Variants in NRK observed in about 807,000 individuals in gnomAD.
NRK encodes the protein nik-related protein kinase.
In NRK, 67 loss-of-function variants were observed where a neutral mutation model predicts 125.2. The observed-to-expected ratio is 0.54, with a 90% CI of 0.44 to 0.66. The LOEUF is 0.66. Ranked by LOEUF, NRK falls within the 30% of genes least tolerant of loss-of-function variation. NRK has a pLI of 0.00. For missense variants in NRK, 1,224 were observed against 1,192.9 expected (o/e 1.03, Z -0.38); for synonymous variants, 458 against 429.0 (o/e 1.07, Z -0.84).
At chrX:105,931,332 T>C (rs1339043210) in intron 19 of NRK, among the ~76,000 whole-genome samples, 1 of 111,843 alleles carries the variant, frequency 8.9e-6, no homozygotes, top group East Asian at 2.8e-4. Context: ...AGATTCAAGA[T>C]GGCACCAGGC....
At chrX:105,871,847 A>T (rs2039752298) in intron 2 of NRK, among the ~76,000 whole-genome samples, 1 of 111,838 alleles carries the variant, frequency 8.9e-6, no homozygotes, top group African/African-American at 3.3e-5. Flanking sequence ...AAGTGACAGC[A>T]GTGTCATAAG....
chrX:105,923,545 T>G (rs948713661), intron 18 of NRK, 63 bp downstream of exon 18: 45 of 853,439 alleles, frequency 5.3e-5, no homozygotes, highest in Non-Finnish European at 6.4e-5. Context: ...TTTGCATTTT[T>G]GGTTTATTTT....
intron 1 of NRK, among the ~76,000 whole-genome samples, chrX:105,827,995 A>C (rs1400478098): frequency 8.9e-6 from 1 of 111,823 alleles, no homozygotes; most frequent in Non-Finnish European, 1.9e-5. Context: ...AGTGACCAAA[A>C]AGATTGTTCC....
intron 2 of NRK, among the ~76,000 whole-genome samples, chrX:105,840,769 A>T (rs945704905): frequency 9.0e-6 from 1 of 110,561 alleles, no homozygotes; most frequent in African/African-American, 3.3e-5. Context: ...TAGAAGTAAT[A>T]ATGTACTTTT....
chrX:105,936,631 A>G (rs2040669008), intron 21 of NRK, among the ~76,000 whole-genome samples: 1 of 111,887 alleles, frequency 8.9e-6, no homozygotes, highest in Admixed American at 9.5e-5. Context: ...ATCTTGTTAC[A>G]TTACTTGGCT....
intron 23 of NRK, 65 bp downstream of exon 23, chrX:105,940,097 A>C: frequency 1.2e-6 from 1 of 816,677 alleles, no homozygotes; most frequent in African/African-American, 2.1e-5. Flanking sequence ...GGTGAACTAC[A>C]TAATTATGAA....
At chrX:105,900,986 A>C (rs2040149703) in intron 9 of NRK, among the ~76,000 whole-genome samples, 1 of 110,973 alleles carries the variant, frequency 9.0e-6, no homozygotes, top group Non-Finnish European at 1.9e-5. Context: ...AGTCCTGAGC[A>C]ACCAGAATAA....
chrX:105,936,349 A>G (rs1219234799), intron 21 of NRK, among the ~76,000 whole-genome samples: 1 of 112,331 alleles, frequency 8.9e-6, no homozygotes, highest in Non-Finnish European at 1.9e-5. Flanking sequence ...GCAACTACCT[A>G]GAAATGTAGT....
In NRK at chrX:105,906,452, T is replaced by TA; in HGVS notation, c.890dup (p.Asn297LysfsTer23). The TA allele has an allele frequency of 1.7e-6, 2 of 1,173,077 alleles. No homozygotes were observed. The highest frequency in any genetic ancestry group is 2.3e-6 in the Non-Finnish European group (2 of 871,386). On this transcript the variant is annotated frameshift_variant, in exon 11 of 29. Coordinates refer to ENST00000243300, the MANE Select transcript of NRK (RefSeq NM_198465.4). LOFTEE classifies it high-confidence loss of function. The stretch of plus-strand genomic sequence containing the variant: ...CACAATTTCATGGAAAAGTGTACGA[T>TA]AAAAAATTTCCTGTTTCGTCCTACT...
intron 2 of NRK, among the ~76,000 whole-genome samples, chrX:105,871,435 A>G: frequency 9.2e-6 from 1 of 109,014 alleles, no homozygotes; most frequent in East Asian, 2.9e-4. Context: ...GCTCCCTCTA[A>G]CTCTTCTCCC....
intron 2 of NRK, among the ~76,000 whole-genome samples, chrX:105,873,290 GA>G (rs1210222318): frequency 9.0e-6 from 1 of 111,320 alleles, no homozygotes; most frequent in African/African-American, 3.3e-5. Flanking sequence ...TCTTTCCAGA[GA>G]AAAACATGGT....
In NRK at chrX:105,945,971, C is replaced by T. The variant is rs372868547; in HGVS notation, c.4159C>T (p.Arg1387Trp). Residue 1387 changes from arginine to tryptophan, a missense_variant, in exon 25 of 29, where the codon CGG (arginine) becomes TGG (tryptophan). Coordinates refer to ENST00000243300, the MANE Select transcript of NRK (RefSeq NM_198465.4). ...AKIQAADPVN[R>W]FKRPDELLHL... ...AATACAGGCAGCTGATCCAGTGAAC[C>T]GGTTTAAGAGACCAGATGAGCTCCT... is the stretch of plus-strand genomic sequence containing the variant. 453 of 1,208,371 alleles carry T rather than the reference C, an allele frequency of 3.7e-4. No homozygotes were observed. The highest frequency in any genetic ancestry group is 4.5e-4 in the Non-Finnish European group (400 of 894,111).
chrX:105,919,726 G>C (rs2040413792), intron 16 of NRK, among the ~76,000 whole-genome samples: 1 of 111,576 alleles, frequency 9.0e-6, no homozygotes, highest in African/African-American at 3.3e-5. Flanking sequence ...TCATTGGGTG[G>C]AAATATGTGG....
intron 23 of NRK, among the ~76,000 whole-genome samples, chrX:105,941,455 A>AT (rs772072133): frequency 1.8e-5 from 2 of 109,955 alleles, no homozygotes; most frequent in East Asian, 5.8e-4. Context: ...AAGAGAGAAT[A>AT]TTTTTTATTA....
chrX:105,929,793 C>T (rs998938580), intron 19 of NRK, among the ~76,000 whole-genome samples: 9 of 111,682 alleles, frequency 8.1e-5, no homozygotes, highest in Non-Finnish European at 1.5e-4. Flanking sequence ...AATTCCTCTG[C>T]TTTTTGCTTA....
At chrX:105,849,812 C>T (rs2039448027) in intron 2 of NRK, among the ~76,000 whole-genome samples, 1 of 112,162 alleles carries the variant, frequency 8.9e-6, no homozygotes, top group Non-Finnish European at 1.9e-5. Context: ...CAGCTCCGCC[C>T]CTGTGGCTTT....
chrX:105,912,052 A>G (rs979887762), intron 13 of NRK, among the ~76,000 whole-genome samples: 3 of 111,606 alleles, frequency 2.7e-5, no homozygotes, highest in African/African-American at 9.8e-5. Context: ...CTGAAATTTT[A>G]TTAGAGTTGA....
chrX:105,943,790 G>A (rs1006881182), intron 23 of NRK, 151 bp from the exon 24 acceptor site: 2 of 401,487 alleles, frequency 5.0e-6, no homozygotes, highest in East Asian at 8.3e-5. Flanking sequence ...TTACCTTTTT[G>A]TGGGCATCAA....
intron 19 of NRK, among the ~76,000 whole-genome samples, chrX:105,927,227 T>C (rs1301605598): frequency 9.0e-6 from 1 of 111,277 alleles, no homozygotes. Context: ...TCCAAGTATT[T>C]TATTTTGTAG....
Sources: allele counts gnomAD v4.1 joint callset (sites outside exome capture counted in the v4.1 genomes callset), GRCh38; gene constraint gnomAD v4.1.1; transcripts MANE v1.5; gene names NCBI Gene and HGNC (gene_info 2026-07-23, HGNC 2026-07-21).